CHPF2: variants seen among roughly 807,000 people sequenced by gnomAD.
The protein encoded by CHPF2 is chondroitin polymerizing factor 2, non-catalytic subunit.
In CHPF2, 58 loss-of-function variants were observed where a neutral mutation model predicts 63.0. That is an observed-to-expected ratio of 0.92 (90% CI 0.75 to 1.15). The LOEUF (loss-of-function observed/expected upper bound fraction) is 1.15, where lower values mean the gene tolerates loss of function less well. Among genes scored for constraint, CHPF2 ranks in the 50% most tolerant of loss-of-function variants. CHPF2 has a pLI of 0.00. For missense variants in CHPF2, 1,045 were observed against 1,035.4 expected (o/e 1.01, Z -0.13); for synonymous variants, 442 against 438.0 (o/e 1.01, Z -0.11).
In CHPF2 at chr7:151,234,366, G is replaced by A. The variant is rs545032383; in HGVS notation, c.263+92G>A. On this transcript the variant is annotated intron_variant, in intron 1 of 3. Transcript: ENST00000035307. ...CTCTGCCTTTCCATTGGCAATCGGCGTCGGGCGACTTGGAGCAATTCTGGC... is the reference window on the plus strand; with the variant it reads ...CTCTGCCTTTCCATTGGCAATCGGCATCGGGCGACTTGGAGCAATTCTGGC... 20 of 990,998 alleles carry A rather than the reference G, an allele frequency of 2.0e-5. No homozygotes were observed. The East Asian group carries it at 2.0e-4, about 10-fold the overall frequency. The allele number at this position is 990,998 out of a possible 1,614,324, so 61.4% of individuals were successfully genotyped here.
chr7:151,235,487 C>T lies in CHPF2; in HGVS notation c.703C>T (p.Leu235Phe). The change falls in exon 2 of 4, where the codon CTC (leucine) becomes TTC (phenylalanine). Residue 235 changes from leucine to phenylalanine, a missense_variant. By Grantham distance (22) the Leu-to-Phe change is conservative. Transcript: ENST00000035307. ...CTTTGGCTACCTGTTGTCACGGAGT[C>T]TCCTGCTTCGTCTGCGGCCACATCT... is the stretch of plus-strand genomic sequence containing the variant. ...GGFGYLLSRS[L>F]LLRLRPHLDG... The T allele has an allele frequency of 3.7e-6, 6 of 1,611,664 alleles. No homozygotes were observed. The highest frequency in any genetic ancestry group is 5.1e-6 in the Non-Finnish European group (6 of 1,180,028).
chr7:151,235,127 A>G lies in CHPF2; in HGVS notation c.343A>G (p.Thr115Ala). 1 of 1,610,986 alleles carries G rather than the reference A, an allele frequency of 6.2e-7. No individual in the cohort carries two copies. The highest frequency in any genetic ancestry group is 2.2e-5 in the East Asian group (1 of 44,804). ...CCTGACCTCCCGAGCTACACTGTCC[A>G]CTTTGGCCGTGGCTGTGAACCGTAC... The part of the protein sequence containing the change: ...AVLTSRATLS[T>A]LAVAVNRTVA... Residue 115 changes from threonine to alanine, a missense_variant, in exon 2 of 4, where the codon ACT becomes GCT. Coordinates refer to ENST00000035307, the MANE Select transcript of CHPF2 (RefSeq NM_019015.3).
rs768127720 is a variant in CHPF2 at position 151,236,570 on chromosome 7, A to G, written c.991A>G (p.Ser331Gly). 2 of 1,589,718 alleles carry G rather than the reference A, an allele frequency of 1.3e-6. No individual in the cohort carries two copies. The highest frequency in any genetic ancestry group is 2.2e-5 in the South Asian group (2 of 89,144). ...CGCTCTGGAGTTGGAGCGGGCTTAC[A>G]GTGAAATAGAACAACTGCAGGTGAG... ...FSALELERAY[S>G]EIEQLQAQIR... Residue 331 changes from serine to glycine, a missense_variant, in exon 3 of 4, where the codon AGT (serine) becomes GGT (glycine). Coordinates refer to ENST00000035307, the MANE Select transcript of CHPF2 (RefSeq NM_019015.3).
chr7:151,236,658 A>G, intron 3 of CHPF2, 68 bp downstream of exon 3: 1 of 1,405,352 alleles, frequency 7.1e-7, no homozygotes, highest in South Asian at 1.4e-5. Context: ...TGAGATGTCC[A>G]GGCGTGCAAT....
rs1346327596 is a variant in CHPF2, at chr7:151,234,099, C to T, written c.88C>T (p.Arg30Trp). ...LSLGCSLSLL[R>W]VSWIQGEGED... The stretch of plus-strand genomic sequence containing the variant: ...TCTGGGGTGCAGCCTGAGCCTCCTG[C>T]GGGTTTCCTGGATCCAGGGGGAGGG... The change falls in exon 1 of 4, where the codon CGG (arginine) becomes TGG (tryptophan). Residue 30 changes from arginine (R) to tryptophan (W), a missense_variant. Arg to Trp is a moderately radical substitution (Grantham distance 101, BLOSUM62 -3). Coordinates refer to ENST00000035307, the MANE Select transcript of CHPF2 (RefSeq NM_019015.3). 14 of 1,608,936 alleles carry T rather than the reference C, an allele frequency of 8.7e-6. No homozygotes were observed. The highest frequency in any genetic ancestry group is 1.3e-5 in the African/African-American group (1 of 74,698).
chr7:151,237,336 A>C, intron 3 of CHPF2, 38 bp from the exon 4 acceptor site: 1 of 1,510,888 alleles, frequency 6.6e-7, no homozygotes, highest in Non-Finnish European at 9.0e-7. Flanking sequence ...AGGATCCTGG[A>C]GCTGGCACTA....
Position 151,238,689 on chromosome 7 carries a change from G to A in CHPF2, c.*8G>A, listed in dbSNP as rs1456482410. ...CAGGCCAATAGCACTTAGCCCGCCT[G>A]GGGGCCCTAACCTCATTACCTTTCC... On this transcript the variant is annotated 3_prime_UTR_variant, in exon 4 of 4. Coordinates refer to ENST00000035307, the MANE Select transcript of CHPF2 (RefSeq NM_019015.3). The A allele has an allele frequency of 6.2e-7, 1 of 1,605,908 alleles. No homozygotes were observed. Among genetic ancestry groups the A allele is most frequent in the African/African-American group, 1.3e-5 (1 of 74,916 alleles).
chr7:151,233,274 A>T lies in CHPF2; in HGVS notation c.-738A>T. 1.0e-6 allele frequency: 1 copy of T among 991,026 alleles called. No individual in the cohort carries two copies. The highest frequency in any genetic ancestry group is 1.7e-5 in the African/African-American group (1 of 57,544). 61.4% of individuals were successfully genotyped at this position (991,026 alleles called of 1,614,324 possible). ...CTCCATCGGCCATGGCGCTCCTGAGAGGCTGTCAGTGCTGAGTCACCGATC... is the reference window on the plus strand; with the variant it reads ...CTCCATCGGCCATGGCGCTCCTGAGTGGCTGTCAGTGCTGAGTCACCGATC... On this transcript the variant is annotated 5_prime_UTR_variant, in exon 1 of 4. Coordinates refer to ENST00000035307, the MANE Select transcript of CHPF2 (RefSeq NM_019015.3).
chr7:151,232,832 C>T lies in CHPF2; in HGVS notation c.-1180C>T, dbSNP rs1802510380. On this transcript the variant is annotated 5_prime_UTR_variant, in exon 1 of 4. Coordinates refer to ENST00000035307, the MANE Select transcript of CHPF2 (RefSeq NM_019015.3). ...AGAACGAGGTCTGTGCCCCAGTCTC[C>T]CAGCCGCGACCTCCGACCCCGCCTC... The T allele has an allele frequency of 6.9e-7, 1 of 1,459,650 alleles. No homozygotes were observed. Among genetic ancestry groups the T allele is most frequent in the Admixed American group, 2.5e-5 (1 of 40,136 alleles). 90.4% of individuals were successfully genotyped at this position (1,459,650 alleles called of 1,614,324 possible).
chr7:151,238,791 T>G lies in CHPF2; in HGVS notation c.*110T>G. ...GAATTGTTGCTGTATTTTTTAAATA[T>G]GAAAATGTTATTAAACATGTCTTCT... On this transcript the variant is annotated 3_prime_UTR_variant, in exon 4 of 4. Transcript: ENST00000035307. 1 of 1,556,792 alleles carries G rather than the reference T, an allele frequency of 6.4e-7. No homozygotes were observed. Among genetic ancestry groups the G allele is most frequent in the Non-Finnish European group, 8.7e-7 (1 of 1,155,964 alleles).
At position 151,233,045 on chromosome 7, in the gene CHPF2, C is replaced by T. The variant is rs529249033; in HGVS notation, c.-967C>T. 255 of 1,257,548 alleles carry T rather than the reference C, an allele frequency of 2.0e-4. No homozygotes were observed. The highest frequency in any genetic ancestry group is 4.6e-4 in the Admixed American group (11 of 23,670). 77.9% of individuals were successfully genotyped at this position (1,257,548 alleles called of 1,614,324 possible). A position where few individuals can be genotyped will look rare whatever the true frequency, so the allele number is the denominator to read the frequency against. On this transcript the variant is annotated 5_prime_UTR_variant, in exon 1 of 4. Transcript: ENST00000035307. ...CCCCCGGCAGGGGTCCTGTCGGAAG[C>T]TGGCCGCGCTTCTGTTTGCGTTCCC...
intron 3 of CHPF2, chr7:151,237,135 G>A (rs1802684693): frequency 1.6e-6 from 1 of 629,646 alleles, no homozygotes; most frequent in Admixed American, 2.5e-5. Context: ...TGTGCAAAAA[G>A]CACATTTTCC....
In CHPF2 at chr7:151,237,354, G is replaced by A. The variant is rs1002654153; in HGVS notation, c.1012-20G>A. On this transcript the variant is annotated intron_variant, in intron 3 of 3. Transcript: ENST00000035307. ...ATCCTGGAGCTGGCACTAATGTGAGGTGCATTCCCTCCAACCCAGGCTCAG... is the reference window on the plus strand; with the variant it reads ...ATCCTGGAGCTGGCACTAATGTGAGATGCATTCCCTCCAACCCAGGCTCAG... The A allele has an allele frequency of 2.6e-6, 4 of 1,562,294 alleles. No homozygotes were observed. Among genetic ancestry groups the A allele is most frequent in the Non-Finnish European group, 3.5e-6 (4 of 1,149,010 alleles).
In CHPF2 at chr7:151,238,537, G is replaced by A. The variant is rs762643161; in HGVS notation, c.2175G>A (p.Val725=). The change falls in exon 4 of 4, where the codon GTG becomes GTA. Residue 725 remains valine, a synonymous_variant. Coordinates refer to ENST00000035307, the MANE Select transcript of CHPF2 (RefSeq NM_019015.3). ...TTCGGGCCGTAGAGCCAGGGCTGGT[G>A]CAGAAGTTCTCCCTGCGAGACTGCA... ...HLFRAVEPGL[V]QKFSLRDCSP... The A allele has an allele frequency of 6.2e-7, 1 of 1,611,134 alleles. No individual in the cohort carries two copies. Among genetic ancestry groups the A allele is most frequent in the South Asian group, 1.1e-5 (1 of 90,586 alleles).
Position 151,237,646 on chromosome 7 carries a change from A to G in CHPF2, c.1284A>G (p.Arg428=), listed in dbSNP as rs749884278. ...YQPRLRFQKQ[R]LLNGYRRFDP... Reference sequence around the variant, plus strand: ...CCCGCCTGCGCTTCCAGAAGCAGCGACTGCTCAACGGCTATCGGCGCTTCG... The same window carrying G: ...CCCGCCTGCGCTTCCAGAAGCAGCGGCTGCTCAACGGCTATCGGCGCTTCG... Residue 428 remains arginine, a synonymous_variant, in exon 4 of 4, where the codon CGA becomes CGG. Coordinates refer to ENST00000035307, the MANE Select transcript of CHPF2 (RefSeq NM_019015.3). The G allele has an allele frequency of 6.2e-7, 1 of 1,613,398 alleles. No homozygotes were observed. The highest frequency in any genetic ancestry group is 1.3e-5 in the African/African-American group (1 of 75,070).
rs1185858701 is a variant in CHPF2, at chr7:151,237,024, G to A, written c.1012-350G>A. The stretch of plus-strand genomic sequence containing the variant: ...GTTGAACGTCAGGCTTGGCAGAGGT[G>A]GAGTGTAGATGAAAACAAAGGTGTG... On this transcript the variant is annotated intron_variant, in intron 3 of 3. Coordinates refer to ENST00000035307, the MANE Select transcript of CHPF2 (RefSeq NM_019015.3). The A allele has an allele frequency of 7.3e-6, 4 of 550,930 alleles. No individual in the cohort carries two copies. In the Admixed American group the frequency reaches 8.8e-5, roughly 12 times the overall value. The allele number at this position is 550,930 out of a possible 1,614,324, so 34.1% of individuals were successfully genotyped here.
chr7:151,232,560 C>G lies in CHPF2; in HGVS notation c.-1452C>G, dbSNP rs1802499260. On this transcript the variant is annotated 5_prime_UTR_variant, in exon 1 of 4. Coordinates refer to ENST00000035307, the MANE Select transcript of CHPF2 (RefSeq NM_019015.3). ...CCGGCGCCTCAGCGGGCACTGGGGT[C>G]TGTTCCCCCTTCCCCGTCCCTGCTC... The G allele has an allele frequency of 3.7e-6, 2 of 535,776 alleles. No individual in the cohort carries two copies. Among genetic ancestry groups the G allele is most frequent in the Non-Finnish European group, 6.4e-6 (2 of 310,676 alleles). 33.2% of individuals were successfully genotyped at this position (535,776 alleles called of 1,614,324 possible). A position where few individuals can be genotyped will look rare whatever the true frequency, so the allele number is the denominator to read the frequency against.
In CHPF2 at chr7:151,234,038, G is replaced by A; in HGVS notation, c.27G>A (p.Leu9=). 6.5e-7 allele frequency: 1 copy of A among 1,543,624 alleles called. No individual in the cohort carries two copies. Among genetic ancestry groups the A allele is most frequent in the Non-Finnish European group, 8.7e-7 (1 of 1,145,458 alleles). The stretch of plus-strand genomic sequence containing the variant: ...TGCGACTGAGCTCCCTGTTGGCTCT[G>A]CTGCGGCCAGCGCTTCCCCTCATCT... The part of the protein sequence containing the change: MRLSSLLA[L]LRPALPLILG... The change falls in exon 1 of 4, where the codon CTG becomes CTA. Residue 9 remains leucine, a synonymous_variant. Transcript: ENST00000035307.
chr7:151,237,610 G>C lies in CHPF2; in HGVS notation c.1248G>C (p.Arg416=), dbSNP rs1270526596. 1 of 1,613,116 alleles carries C rather than the reference G, an allele frequency of 6.2e-7. No individual in the cohort carries two copies. Among genetic ancestry groups the C allele is most frequent in the Non-Finnish European group, 8.5e-7 (1 of 1,179,904 alleles). The change falls in exon 4 of 4, where the codon CGG becomes CGC. Residue 416 remains arginine (R), a synonymous_variant. Coordinates refer to ENST00000035307, the MANE Select transcript of CHPF2 (RefSeq NM_019015.3). The stretch of plus-strand genomic sequence containing the variant: ...AGACTGCCCTGGAGCAGCTCAATCG[G>C]CGCTATCAGCCCCGCCTGCGCTTCC... ...ALETALEQLN[R]RYQPRLRFQK... is the part of the protein sequence containing the mutation.
Sources: allele counts gnomAD v4.1 joint callset, GRCh38; gene constraint gnomAD v4.1.1; transcripts MANE v1.5; gene names NCBI Gene and HGNC (gene_info 2026-07-23, HGNC 2026-07-21).